MYH7B: variants seen among roughly 807,000 people sequenced by gnomAD.
MYH7B encodes the protein myosin-7B.
MYH7B carries 205 observed loss-of-function variants against 234.5 expected under a neutral mutation model. That is an observed-to-expected ratio of 0.87 (90% confidence interval 0.78 to 0.98). The LOEUF (loss-of-function observed/expected upper bound fraction) is 0.98. MYH7B is among the 50% of genes least tolerant of loss of function. The probability of loss-of-function intolerance (pLI) is 0.00; values close to 1 mark genes in which losing one functional copy is unlikely to be tolerated. For synonymous variants in MYH7B, 1,193 were observed against 1,105.0 expected (o/e 1.08, Z -1.58); for missense variants, 2,652 against 2,633.4 (o/e 1.01, Z -0.15).
intron 14 of MYH7B, among the ~76,000 whole-genome samples, 155 bp from the exon 15 acceptor site, chr20:34,986,731 G>A (rs2082031136): frequency 6.6e-6 from 1 of 152,190 alleles, no homozygotes; most frequent in Admixed American, 6.5e-5. Flanking sequence ...GTGAGGATGA[G>A]AAACTTAGGC....
At chr20:34,978,870 C>T (rs962787344) in intron 5 of MYH7B, among the ~76,000 whole-genome samples, 1 of 152,182 alleles carries the variant, frequency 6.6e-6, no homozygotes, top group Non-Finnish European at 1.5e-5. Context: ...CGGTTTGCAG[C>T]CTGAGTCCAT....
intron 14 of MYH7B, 79 bp from the exon 15 acceptor site, chr20:34,986,807 C>A (rs753311992): frequency 9.1e-6 from 11 of 1,205,440 alleles, no homozygotes; most frequent in Non-Finnish European, 1.2e-5. Context: ...CCCCGCAGGA[C>A]CCCCTATGCT....
At chr20:34,977,039 C>T (rs1033577655) in intron 3 of MYH7B, among the ~76,000 whole-genome samples, 2 of 79,476 alleles carry the variant, frequency 2.5e-5, no homozygotes, top group African/African-American at 1.1e-4. Context: ...AGAAGGATGT[C>T]CCTCTCCCCC....
At position 34,990,352 on chromosome 20, in the gene MYH7B, C is replaced by A. The variant is rs201170954; in HGVS notation, c.1977+42C>A. 4 of 1,609,958 alleles carry A rather than the reference C, an allele frequency of 2.5e-6. No homozygotes were observed. The South Asian group carries it at 4.4e-5, about 18-fold the overall frequency. On this transcript the variant is annotated intron_variant, in intron 22 of 44. Coordinates refer to ENST00000262873, the Ensembl canonical transcript of MYH7B. ...GAGACAGACCCTCCCTCTTGGCAGC[C>A]TCCAGCCCCGTCCTTCACCCCCTGC...
chr20:35,000,641 G>A (rs772820615), exon 39 of MYH7B: 1 of 1,581,336 alleles, frequency 6.3e-7, no homozygotes, highest in East Asian at 2.3e-5. Context: ...GACTGGCAGA[G>A]CAGGAGCTTT....
At chr20:34,958,702 G>T (rs1246147074) in intron 2 of MYH7B, among the ~76,000 whole-genome samples, 2 of 152,116 alleles carry the variant, frequency 1.3e-5, no homozygotes, top group East Asian at 1.9e-4. Flanking sequence ...CTGACCTTGT[G>T]ATCCGTCCGC....
At chr20:35,001,788 A>AACTT (rs2082391928) in intron 43 of MYH7B, among the ~76,000 whole-genome samples, 160 bp from the exon 44 acceptor site, 1 of 152,180 alleles carries the variant, frequency 6.6e-6, no homozygotes, top group South Asian at 2.1e-4. Context: ...GGTGCGTCCC[A>AACTT]ACTTCCTTAT....
rs1413215580 is a variant in MYH7B at position 34,987,672 on chromosome 20, G to A, written c.1263G>A (p.Glu421=). 4 of 1,612,966 alleles carry A rather than the reference G, an allele frequency of 2.5e-6. No homozygotes were observed. The Admixed American group carries it at 6.7e-5, about 27-fold the overall frequency. Residue 421 remains glutamate, a synonymous_variant, in exon 17 of 45, where the codon GAG becomes GAA. Coordinates refer to ENST00000262873, the Ensembl canonical transcript of MYH7B. Reference sequence around the variant, plus strand: ...ACGTGACCAAGGGCCAGAGTGTGGAGCAGGTGAGCTGCCTGCAGGCCAAAC... The same window carrying A: ...ACGTGACCAAGGGCCAGAGTGTGGAACAGGTGAGCTGCCTGCAGGCCAAAC...
At chr20:34,993,597 GGTTCT>G in intron 26 of MYH7B, 127 bp downstream of exon 26, 3 of 1,126,074 alleles carry the variant, frequency 2.7e-6, no homozygotes, top group Non-Finnish European at 3.6e-6. Context: ...GTTGGGGCAA[GGTTCT>G]GTTCTGTGTC....
rs754128528 is a variant in MYH7B, at chr20:34,999,045, C to A, written c.4191-11C>A. 1 of 1,603,004 alleles carries A rather than the reference C, an allele frequency of 6.2e-7. No individual in the cohort carries two copies. The highest frequency in any genetic ancestry group is 8.5e-7 in the Non-Finnish European group (1 of 1,174,572). ...TCCATGGTCCACACCTTGTCTGGTT[C>A]CATGGCCTAGAAAAAAGCTGGCACT... On this transcript the variant is annotated splice_polypyrimidine_tract_variant and intron_variant, in intron 35 of 44. Transcript: ENST00000262873.
Position 34,980,760 on chromosome 20 carries a change from AACCGCAGACCCCG to A in MYH7B, c.499+30_499+42del, listed in dbSNP as rs1266949272. 1.9e-6 allele frequency: 3 copies of A among 1,606,228 alleles called. No homozygotes were observed. In the African/African-American group the frequency reaches 4.0e-5, roughly 21 times the overall value. On this transcript the variant is annotated intron_variant, in intron 8 of 44. Transcript: ENST00000262873. ...GTAAGGGCCGCCTGGACTCCTCCCC[AACCGCAGACCCCG>A]ACCTCGGTCCCGGGAGGCCTCTGTA... is the stretch of plus-strand genomic sequence containing the variant.
In MYH7B at chr20:35,000,279, C is replaced by T. The variant is rs754513249; in HGVS notation, c.4782-14C>T. 8 of 1,555,402 alleles carry T rather than the reference C, an allele frequency of 5.1e-6. No individual in the cohort carries two copies. The highest frequency in any genetic ancestry group is 6.0e-6 in the Non-Finnish European group (7 of 1,158,248). Reference sequence around the variant, plus strand: ...CCTTACGAGACCCCCTTTCATGCCACCCTCCTCCCATAGGCGCAACCACCA... The same window carrying T: ...CCTTACGAGACCCCCTTTCATGCCATCCTCCTCCCATAGGCGCAACCACCA... On this transcript the variant is annotated splice_polypyrimidine_tract_variant and intron_variant, in intron 38 of 44. Coordinates refer to ENST00000262873, the Ensembl canonical transcript of MYH7B.
intron 2 of MYH7B, among the ~76,000 whole-genome samples, chr20:34,958,553 T>C (rs990144012): frequency 6.6e-6 from 1 of 152,052 alleles, no homozygotes; most frequent in Non-Finnish European, 1.5e-5. Context: ...GCAACCTCTG[T>C]CTCCTGGGTT....
In MYH7B at chr20:34,999,896, G is replaced by A. The variant is rs199859740; in HGVS notation, c.4771G>A (p.Ala1591Thr). 71 of 1,613,410 alleles carry A rather than the reference G, an allele frequency of 4.4e-5. No homozygotes were observed. Among genetic ancestry groups the A allele is most frequent in the Admixed American group, 1.7e-4 (10 of 59,998 alleles). The change falls in exon 38 of 45, where the codon GCT becomes ACT. Residue 1591 changes from alanine (A) to threonine (T), a missense_variant. By Grantham distance (58) the Ala-to-Thr change is moderately conservative. Transcript: ENST00000262873. ...GCTGGCAGAGAAAGACGAGGAGTGC[G>A]CTAACCTGAGGTGTGTCCATCCTTC...
chr20:35,001,070 C>A, exon 41 of MYH7B: 1 of 1,613,796 alleles, frequency 6.2e-7, no homozygotes, highest in Non-Finnish European at 8.5e-7. Flanking sequence ...CTGGAGCAGA[C>A]GGTGCGCGAG....
Position 34,995,276 on chromosome 20 carries a change from GTC to G in MYH7B, c.2701-54_2701-53del, listed in dbSNP as rs1328152101. 4.1e-5 allele frequency: 64 copies of G among 1,555,856 alleles called. No individual in the cohort carries two copies. The Admixed American group carries it at 1.1e-3, about 26-fold the overall frequency. ...TTTCCTCTCCAGGGCCTGGCCTGGT[GTC>G]TCTCTGCTGGTTTACCTGGCCCTCC... On this transcript the variant is annotated intron_variant, in intron 27 of 44. Transcript: ENST00000262873.
chr20:34,983,991 C>T (rs1391631362), intron 10 of MYH7B, among the ~76,000 whole-genome samples: 1 of 152,190 alleles, frequency 6.6e-6, no homozygotes. Flanking sequence ...CTGCTCAATT[C>T]ACTTAGTCCC....
At chr20:35,001,892 C>T (rs2082394400) in intron 43 of MYH7B, 56 bp from the exon 44 acceptor site, 2 of 1,575,670 alleles carry the variant, frequency 1.3e-6, no homozygotes. Flanking sequence ...GGGGCAGGGA[C>T]CAGAATAAGC....
rs1228372854 is a variant in MYH7B at position 34,999,359 on chromosome 20, A to AGACG, written c.4494_4495insGACG (p.Leu1499AspfsTer3). 3 of 1,545,050 alleles carry AGACG rather than the reference A, an allele frequency of 1.9e-6. No individual in the cohort carries two copies. Among genetic ancestry groups the AGACG allele is most frequent in the Non-Finnish European group, 2.6e-6 (3 of 1,144,500 alleles). ...GGCTGCGGCACGGCCACGAGGAGGCACTTGAAGCCCTGGAGACGCTCAAGC... is the reference window on the plus strand; with the variant it reads ...GGCTGCGGCACGGCCACGAGGAGGCAGACGCTTGAAGCCCTGGAGACGCTCAAGC... On this transcript the variant is annotated frameshift_variant, in exon 36 of 45. Coordinates refer to ENST00000262873, the Ensembl canonical transcript of MYH7B. LOFTEE classifies it high-confidence loss of function.
Sources: allele counts gnomAD v4.1 joint callset (sites outside exome capture counted in the v4.1 genomes callset), GRCh38; gene constraint gnomAD v4.1.1; transcripts MANE v1.5; gene names NCBI Gene and HGNC (gene_info 2026-07-23, HGNC 2026-07-21).